Variants in PCDH9 observed in about 807,000 individuals in gnomAD.
PCDH9 encodes the protein protocadherin-9.
PCDH9 carries 24 observed loss-of-function variants against 70.6 expected under a neutral mutation model. The ratio of observed to expected loss-of-function variants is 0.34; its 90% confidence interval spans 0.25 to 0.48. The LOEUF (loss-of-function observed/expected upper bound fraction) is 0.48, where lower values mean the gene tolerates loss of function less well. Among genes scored for constraint, PCDH9 ranks in the 20% least tolerant of loss-of-function variants. The pLI is 0.99. For missense variants in PCDH9, 1,281 were observed against 1,503.6 expected (o/e 0.85, Z 2.45); for synonymous variants, 562 against 558.5 (o/e 1.01, Z -0.09).
chr13:66,536,047 C>T (rs77369261), intron 4 of PCDH9, among the ~76,000 whole-genome samples: 4,998 of 152,116 alleles, frequency 0.033, 245 homozygotes, highest in African/African-American at 0.11. Flanking sequence ...TTAAAGATCA[C>T]ACGTGTATCT....
At chr13:66,619,416 T>G (rs1243023412) in intron 4 of PCDH9, among the ~76,000 whole-genome samples, 1 of 152,142 alleles carries the variant, frequency 6.6e-6, no homozygotes, top group Non-Finnish European at 1.5e-5. Context: ...AATAAAACTT[T>G]TAGAATTTGA....
At chr13:66,845,222 C>T (rs1237810174) in intron 3 of PCDH9, among the ~76,000 whole-genome samples, 1 of 152,184 alleles carries the variant, frequency 6.6e-6, no homozygotes. Context: ...TGCTAAGGGG[C>T]AGCTGTAGGC....
intron 4 of PCDH9, among the ~76,000 whole-genome samples, chr13:66,419,187 T>C (rs1957517326): frequency 1.3e-5 from 2 of 149,022 alleles, no homozygotes; most frequent in African/African-American, 4.9e-5. Context: ...GACTCCTCCC[T>C]AACTCATTTT....
intron 3 of PCDH9, among the ~76,000 whole-genome samples, chr13:66,759,339 A>G (rs548603061): frequency 1.6e-4 from 25 of 152,170 alleles, no homozygotes; most frequent in Middle Eastern, 3.4e-3. Context: ...TGCTTGGAAT[A>G]TCTTTTTCCA....
chr13:66,934,081 C>T (rs1481412165), intron 2 of PCDH9, among the ~76,000 whole-genome samples: 4 of 152,108 alleles, frequency 2.6e-5, no homozygotes, highest in Admixed American at 2.0e-4. Flanking sequence ...CTGCCTACTG[C>T]CTGCCTTGCT....
At chr13:66,568,872 G>T (rs1043726932) in intron 4 of PCDH9, among the ~76,000 whole-genome samples, 35 of 151,600 alleles carry the variant, frequency 2.3e-4, no homozygotes, top group African/African-American at 7.7e-4. Flanking sequence ...GGAGGGGTGG[G>T]TTTCTAAACA....
intron 3 of PCDH9, among the ~76,000 whole-genome samples, chr13:66,638,260 T>C (rs2077665276): frequency 6.6e-6 from 1 of 152,226 alleles, no homozygotes. Flanking sequence ...GACCAGCAGC[T>C]GTGTCACCTT....
chr13:67,013,096 G>C (rs1179750395), intron 2 of PCDH9, among the ~76,000 whole-genome samples: 3 of 151,820 alleles, frequency 2.0e-5, no homozygotes, highest in Non-Finnish European at 1.5e-5. Flanking sequence ...ACATTTCTAT[G>C]ATTAGAAAAG....
chr13:66,989,997 C>T (rs541658478), intron 2 of PCDH9, among the ~76,000 whole-genome samples: 10 of 151,906 alleles, frequency 6.6e-5, no homozygotes, highest in African/African-American at 2.2e-4. Context: ...ATTTTCAGTG[C>T]ATAGCAGTAT....
chr13:67,124,311 A>T (rs2138309111), intron 2 of PCDH9, among the ~76,000 whole-genome samples: 1 of 152,324 alleles, frequency 6.6e-6, no homozygotes, highest in African/African-American at 2.4e-5. Flanking sequence ...AAAAATTATT[A>T]GTGAGAGTAT....
intron 4 of PCDH9, among the ~76,000 whole-genome samples, chr13:66,550,176 T>C (rs1224934430): frequency 2.0e-5 from 3 of 152,216 alleles, no homozygotes; most frequent in African/African-American, 4.8e-5. Flanking sequence ...ATTTGCTTAA[T>C]GTTGGTTGAT....
At chr13:67,021,844 G>A (rs1446690841) in intron 2 of PCDH9, among the ~76,000 whole-genome samples, 1 of 152,078 alleles carries the variant, frequency 6.6e-6, no homozygotes, top group Non-Finnish European at 1.5e-5. Context: ...ATAGGCATGA[G>A]CCACCATGCC....
chr13:67,044,781 A>C (rs187608656), intron 2 of PCDH9, among the ~76,000 whole-genome samples: 55 of 152,238 alleles, frequency 3.6e-4, no homozygotes, highest in African/African-American at 1.2e-3. Flanking sequence ...TAAGGGCAAA[A>C]ATGTCAGTTT....
intron 4 of PCDH9, among the ~76,000 whole-genome samples, chr13:66,344,911 AT>A (rs1272947158): frequency 6.6e-6 from 1 of 152,204 alleles, no homozygotes; most frequent in Non-Finnish European, 1.5e-5. Context: ...AAAAATGCAA[AT>A]TAATTGCAGG....
At chr13:66,592,161 T>A (rs2077046535) in intron 4 of PCDH9, among the ~76,000 whole-genome samples, 1 of 151,632 alleles carries the variant, frequency 6.6e-6, no homozygotes, top group African/African-American at 2.4e-5. Flanking sequence ...TGGACTAAAT[T>A]CATCATTAAG....
intron 4 of PCDH9, among the ~76,000 whole-genome samples, chr13:66,531,085 G>A (rs1960431742): frequency 6.9e-6 from 1 of 144,120 alleles, no homozygotes; most frequent in Admixed American, 7.2e-5. Context: ...TGATTAAACA[G>A]TGTTGGAGGT....
intron 3 of PCDH9, among the ~76,000 whole-genome samples, chr13:66,862,397 A>G (rs925863140): frequency 2.0e-5 from 3 of 152,172 alleles, no homozygotes; most frequent in Non-Finnish European, 4.4e-5. Context: ...TTCAGAATCG[A>G]GAAATTGAGA....
At chr13:67,211,025 T>C (rs1041199062) in intron 2 of PCDH9, 4 of 152,012 alleles carry the variant, frequency 2.6e-5, no homozygotes, top group African/African-American at 9.6e-5. Flanking sequence ...TGTCTGTATC[T>C]TCCTAAGCTT....
At chr13:66,536,180 T>G (rs1960694312) in intron 4 of PCDH9, among the ~76,000 whole-genome samples, 1 of 152,094 alleles carries the variant, frequency 6.6e-6, no homozygotes, top group Non-Finnish European at 1.5e-5. Flanking sequence ...AAGTATTACT[T>G]CTATATTATA....
Sources: allele counts gnomAD v4.1 joint callset (sites outside exome capture counted in the v4.1 genomes callset), GRCh38; gene constraint gnomAD v4.1.1; transcripts MANE v1.5; gene names NCBI Gene and HGNC (gene_info 2026-07-23, HGNC 2026-07-21).